The following IQSEC3 variants were observed in gnomAD, a reference collection of about 807,000 sequenced individuals.
The protein encoded by IQSEC3 is IQ motif and Sec7 domain ArfGEF 3, also known as IQ motif and SEC7 domain-containing protein 3.
IQSEC3 carries 50 observed loss-of-function variants against 105.4 expected under a neutral mutation model. That is an observed-to-expected ratio of 0.47 (90% CI 0.38 to 0.60). The LOEUF (loss-of-function observed/expected upper bound fraction) is 0.60, where lower values mean the gene tolerates loss of function less well. Among genes scored for constraint, IQSEC3 ranks in the 20% least tolerant of loss-of-function variants. The probability of loss-of-function intolerance (pLI) is 0.00; values close to 1 mark genes in which losing one functional copy is unlikely to be tolerated. For missense variants in IQSEC3, 1,415 were observed against 1,630.0 expected, an observed-to-expected ratio of 0.87 and a Z score of 2.27; for synonymous variants, 708 against 746.0, an observed-to-expected ratio of 0.95 and a Z score of 0.83.
intron 12 of IQSEC3, among the ~76,000 whole-genome samples, chr12:170,054 T>C (rs1045768829): frequency 6.6e-6 from 1 of 152,196 alleles, no homozygotes; most frequent in Non-Finnish European, 1.5e-5. Context: ...GCGTGGGGAC[T>C]AGTTACGGCA....
intron 1 of IQSEC3, among the ~76,000 whole-genome samples, chr12:76,978 T>A (rs1205346594): frequency 6.6e-6 from 1 of 152,262 alleles, no homozygotes; most frequent in African/African-American, 2.4e-5. Flanking sequence ...AATTTCTTCC[T>A]TGATGAATGA....
chr12:161,378 G>A (rs113581504), intron 7 of IQSEC3, among the ~76,000 whole-genome samples: 3 of 152,178 alleles, frequency 2.0e-5, no homozygotes, highest in Non-Finnish European at 2.9e-5. Context: ...GGGTGTCCTC[G>A]CCTGCATTGC....
At chr12:95,190 C>A (rs1480267026) in intron 1 of IQSEC3, among the ~76,000 whole-genome samples, 2 of 152,188 alleles carry the variant, frequency 1.3e-5, no homozygotes, top group African/African-American at 4.8e-5. Context: ...GAATTTTGGC[C>A]GGGGAACCAC....
chr12:74,571 C>A (rs1197245848), intron 1 of IQSEC3, among the ~76,000 whole-genome samples: 1 of 152,244 alleles, frequency 6.6e-6, no homozygotes, highest in Non-Finnish European at 1.5e-5. Flanking sequence ...GCGTGCTGAG[C>A]GGCACCTTTC....
At chr12:168,393 TGTCCTCCCAGGCAGGCTCC>T (rs1232273213) in intron 11 of IQSEC3, among the ~76,000 whole-genome samples, 1 of 152,106 alleles carries the variant, frequency 6.6e-6, no homozygotes, top group Non-Finnish European at 1.5e-5. Flanking sequence ...AGGCAGGCTC[TGTCCTCCCAGGCAGGCTCC>T]GTCCTCCCAG....
In IQSEC3 at chr12:112,256, C is replaced by T. The variant is rs1454883954; in HGVS notation, c.623+13042C>T. On this transcript the variant is annotated intron_variant, in intron 2 of 13. Coordinates refer to ENST00000538872, the MANE Select transcript of IQSEC3 (RefSeq NM_001170738.2). Reference sequence around the variant, plus strand: ...TAGTAAACTTTCATCTTAGACTAAACTTCTTTGGTTCGGGGAGGGCAACTA... The same window carrying T: ...TAGTAAACTTTCATCTTAGACTAAATTTCTTTGGTTCGGGGAGGGCAACTA... 1.1e-4 allele frequency among the ~76,000 whole-genome samples: 13 copies of T among 123,538 alleles called. No individual in the cohort carries two copies. The Admixed American group carries it at 1.2e-3, about 11-fold the overall frequency. 81.0% of individuals were successfully genotyped at this position (123,538 alleles called of 152,430 possible).
At chr12:101,248 G>C (rs1317021848) in intron 2 of IQSEC3, among the ~76,000 whole-genome samples, 1 of 152,216 alleles carries the variant, frequency 6.6e-6, no homozygotes, top group African/African-American at 2.4e-5. Flanking sequence ...CCTAGCTCCA[G>C]GTGGGAAGGA....
chr12:98,862 G>A (rs1315983391), intron 1 of IQSEC3, among the ~76,000 whole-genome samples: 2 of 152,210 alleles, frequency 1.3e-5, no homozygotes, highest in Non-Finnish European at 2.9e-5. Flanking sequence ...CGGGGAGGGC[G>A]TGCAGAAGTA....
chr12:69,493 T>C (rs1164046344), intron 1 of IQSEC3, among the ~76,000 whole-genome samples: 4 of 152,280 alleles, frequency 2.6e-5, no homozygotes, highest in African/African-American at 7.2e-5. Flanking sequence ...ATAATTAGCA[T>C]GGTGGAGCAG....
In IQSEC3 at chr12:76,711, T is replaced by C. The variant is rs1450555551; in HGVS notation, c.554+9275T>C. ...GTGAGCTCCTGGGAAGAAGGCTGTG[T>C]GGAAGGGGACAGGTACAGGAGCTGT... On this transcript the variant is annotated intron_variant, in intron 1 of 13. Transcript: ENST00000538872. Among the ~76,000 whole-genome samples, 4 of 152,258 alleles carry C rather than the reference T, an allele frequency of 2.6e-5. No individual in the cohort carries two copies. The East Asian group carries it at 7.7e-4, about 29-fold the overall frequency.
intron 3 of IQSEC3, among the ~76,000 whole-genome samples, chr12:137,910 C>A (rs1376400193): frequency 1.3e-5 from 2 of 151,868 alleles, no homozygotes; most frequent in African/African-American, 4.8e-5. Context: ...GCAATCTTCT[C>A]TCCTTAGCCT....
Position 125,897 on chromosome 12 carries a change from C to T in IQSEC3, c.888C>T (p.Asp296=), listed in dbSNP as rs1865381914. The T allele has an allele frequency of 3.3e-6, 5 of 1,533,600 alleles. No homozygotes were observed. Among genetic ancestry groups the T allele is most frequent in the Non-Finnish European group, 4.4e-6 (5 of 1,146,432 alleles). 95.0% of individuals were successfully genotyped at this position (1,533,600 alleles called of 1,614,324 possible). Residue 296 remains aspartate (D), a synonymous_variant, in exon 3 of 14, where the codon GAC becomes GAT. Coordinates refer to ENST00000538872, the MANE Select transcript of IQSEC3 (RefSeq NM_001170738.2). ...CCTCCGATTACGAACTCTCCCTTGA[C>T]CTAAAGAATAAACAGGTACCCAGGG... ...PAASDYELSL[D]LKNKQIEMLE... is the part of the protein sequence containing the mutation.
chr12:87,330 C>T (rs1346603920), intron 1 of IQSEC3, among the ~76,000 whole-genome samples: 2 of 151,922 alleles, frequency 1.3e-5, no homozygotes, highest in Non-Finnish European at 2.9e-5. Context: ...CATCACCATG[C>T]AAAAAAAGTA....
chr12:138,965 G>T lies in IQSEC3; in HGVS notation c.1602G>T (p.Gly534=). ...AGKAEQGETS[G]REAPEAPAVG... ...AGGCCGAGCAGGGCGAGACCTCTGG[G>T]CGGGAGGCCCCGGAAGCCCCCGCCG... The change falls in exon 4 of 14, where the codon GGG becomes GGT. Residue 534 remains glycine (G), a synonymous_variant. Coordinates refer to ENST00000538872, the MANE Select transcript of IQSEC3 (RefSeq NM_001170738.2). The surrounding 1 kb of genome is among the most constrained non-coding windows in gnomAD (Gnocchi z 7.1). 1 of 1,554,488 alleles carries T rather than the reference G, an allele frequency of 6.4e-7. No homozygotes were observed. The highest frequency in any genetic ancestry group is 1.7e-4 in the Middle Eastern group (1 of 5,898).
At chr12:154,055 C>A (rs949212460) in intron 5 of IQSEC3, among the ~76,000 whole-genome samples, 1 of 152,156 alleles carries the variant, frequency 6.6e-6, no homozygotes, top group Non-Finnish European at 1.5e-5. Context: ...CCTTCCAGCT[C>A]CACAGCCCAA....
At chr12:107,609 ACT>A (rs1864713328) in intron 2 of IQSEC3, among the ~76,000 whole-genome samples, 1 of 151,428 alleles carries the variant, frequency 6.6e-6, no homozygotes, top group East Asian at 1.9e-4. Flanking sequence ...ACGGGGTTTC[ACT>A]GTGTTAGCCA....
chr12:171,264 C>T (rs1555100190), intron 13 of IQSEC3, 103 bp downstream of exon 13: 2 of 1,613,930 alleles, frequency 1.2e-6, no homozygotes, highest in Non-Finnish European at 1.7e-6. Context: ...TCAATGCCTC[C>T]CCAGCCCGAC....
rs1376470774 is a variant in IQSEC3 at position 176,388 on chromosome 12, T to C, written c.*1355T>C. ...GTCAGGCCCTATCAGGATGTGTCTGTCCCAAGCCTGGCCAGGCTCCAGTCC... is the reference window on the plus strand; with the variant it reads ...GTCAGGCCCTATCAGGATGTGTCTGCCCCAAGCCTGGCCAGGCTCCAGTCC... On this transcript the variant is annotated 3_prime_UTR_variant, in exon 14 of 14. Coordinates refer to ENST00000538872, the MANE Select transcript of IQSEC3 (RefSeq NM_001170738.2). This position sits in a 1 kb window ranked among gnomAD's most constrained non-coding sequence, Gnocchi z 4.0. 6.6e-6 allele frequency: 1 copy of C among 152,222 alleles called. No homozygotes were observed. Among genetic ancestry groups the C allele is most frequent in the South Asian group, 2.1e-4 (1 of 4,818 alleles). The allele number at this position is 152,222 out of a possible 1,614,324, so 9.4% of individuals were successfully genotyped here.
At chr12:165,245 T>C (rs1233015314) in intron 9 of IQSEC3, 189 bp from the exon 10 acceptor site, 2 of 609,674 alleles carry the variant, frequency 3.3e-6, no homozygotes, top group South Asian at 1.9e-5. Context: ...GAATAACCAC[T>C]GTAGGGTTTT....
Sources: gnomAD v4.1 joint callset for allele counts (sites outside exome capture counted in the v4.1 genomes callset) on GRCh38, gnomAD v4.1.1 for gene constraint, Gnocchi (gnomAD v3.1) non-coding constraint, MANE v1.5 for transcripts, NCBI Gene and HGNC (gene_info 2026-07-23, HGNC 2026-07-21) for gene names.